Variants in TENM2 observed in about 807,000 individuals in gnomAD.
TENM2 encodes teneurin-2.
Under a neutral mutation model 245.2 loss-of-function variants are expected in TENM2, and 52 were observed. That is an observed-to-expected ratio of 0.21 (90% CI 0.17 to 0.27). The LOEUF is 0.27. Among genes scored for constraint, TENM2 ranks in the 10% least tolerant of loss-of-function variants. The pLI, the probability that TENM2 is intolerant of heterozygous loss-of-function variation, is 1.00. For synonymous variants in TENM2, 1,363 were observed against 1,438.9 expected (o/e 0.95, Z 1.19); for missense variants, 3,046 against 3,666.8 (o/e 0.83, Z 4.37).
intron 2 of TENM2, among the ~76,000 whole-genome samples, chr5:167,672,500 G>A (rs543694793): frequency 7.2e-5 from 11 of 151,976 alleles, no homozygotes; most frequent in African/African-American, 2.2e-4. Flanking sequence ...TACTAGAGGG[G>A]TGAATGGATC....
chr5:167,925,835 T>C (rs1446173086), intron 3 of TENM2, among the ~76,000 whole-genome samples: 1 of 152,224 alleles, frequency 6.6e-6, no homozygotes, highest in African/African-American at 2.4e-5. Flanking sequence ...CCATTATCCT[T>C]GGCAAACTAA....
chr5:167,176,515 C>G, the TENM2 span, among the ~76,000 whole-genome samples: 1 of 152,156 alleles, frequency 6.6e-6, no homozygotes, highest in Non-Finnish European at 1.5e-5. Context: ...TATTCATCTA[C>G]CAACTTAGAA....
the TENM2 span, among the ~76,000 whole-genome samples, chr5:167,255,474 T>G: frequency 2.0e-5 from 3 of 152,150 alleles, no homozygotes; most frequent in African/African-American, 7.2e-5. Flanking sequence ...AAAGCATGAA[T>G]GAAATAGTTA....
At chr5:167,727,748 A>G (rs561324706) in intron 2 of TENM2, among the ~76,000 whole-genome samples, 1 of 152,332 alleles carries the variant, frequency 6.6e-6, no homozygotes, top group Admixed American at 6.5e-5. Context: ...CAGCACCATT[A>G]TGCAGATGAA....
At chr5:167,305,291 A>G (rs1209730063) in intron 1 of TENM2, among the ~76,000 whole-genome samples, 2 of 152,164 alleles carry the variant, frequency 1.3e-5, no homozygotes, top group African/African-American at 2.4e-5. Context: ...TCTAGGACAT[A>G]CCTGTGCACT....
intron 2 of TENM2, among the ~76,000 whole-genome samples, chr5:167,749,872 A>G (rs1761843939): frequency 6.6e-6 from 1 of 152,106 alleles, no homozygotes; most frequent in Non-Finnish European, 1.5e-5. Context: ...CAATAAAGAG[A>G]TCTGCCTTTT....
chr5:167,850,870 G>A (rs571934147), intron 2 of TENM2, among the ~76,000 whole-genome samples: 1 of 152,318 alleles, frequency 6.6e-6, no homozygotes, highest in South Asian at 2.1e-4. Flanking sequence ...GCTGGATTCA[G>A]GGATTTGTGT....
chr5:167,244,929 G>A, the TENM2 span, among the ~76,000 whole-genome samples: 1 of 151,902 alleles, frequency 6.6e-6, no homozygotes, highest in Non-Finnish European at 1.5e-5. Flanking sequence ...ATTTATCACG[G>A]CTTCTTCAAA....
rs924550210 is a variant in TENM2, at chr5:168,244,864, G to A, written c.5817+148G>A. ...GGCTCACTGCAACCTCTGCCTCCCA[G>A]GTTCAAGTAATTCTCCTGCCTGTGC... On this transcript the variant is annotated intron_variant, in intron 26 of 28. Coordinates refer to ENST00000518659, the Ensembl canonical transcript of TENM2. This position sits in a 1 kb window ranked among gnomAD's most constrained non-coding sequence, Gnocchi z 4.9. 1.2e-5 allele frequency: 7 copies of A among 562,720 alleles called. No homozygotes were observed. Among genetic ancestry groups the A allele is most frequent in the African/African-American group, 1.9e-5 (1 of 51,578 alleles). The allele number at this position is 562,720 out of a possible 1,614,324, so 34.9% of individuals were successfully genotyped here. A position where few individuals can be genotyped will look rare whatever the true frequency, so the allele number is the denominator to read the frequency against.
intron 13 of TENM2, among the ~76,000 whole-genome samples, chr5:168,174,390 T>C (rs556343154): frequency 9.8e-5 from 15 of 152,296 alleles, no homozygotes; most frequent in Admixed American, 2.0e-4. Flanking sequence ...AGGGCTAATT[T>C]CTACCTCATA....
chr5:167,382,331 A>G lies in TENM2; in HGVS notation c.502+6858A>G, dbSNP rs558870001. ...TGGAGACAATAAAGCGAAGGCTAGA[A>G]GAGAGACATGCAGTGATACACGAAG... is the stretch of plus-strand genomic sequence containing the variant. On this transcript the variant is annotated intron_variant, in intron 2 of 28. Transcript: ENST00000518659. Among the ~76,000 whole-genome samples, 7 of 152,334 alleles carry G rather than the reference A, an allele frequency of 4.6e-5. No individual in the cohort carries two copies. In the South Asian group the frequency reaches 1.4e-3, roughly 32 times the overall value.
intron 3 of TENM2, among the ~76,000 whole-genome samples, chr5:167,881,460 A>T (rs1453557089): frequency 6.6e-6 from 1 of 152,148 alleles, no homozygotes; most frequent in Admixed American, 6.6e-5. Flanking sequence ...TTCATAGTAG[A>T]CACTCCGTAA....
At chr5:167,046,567 C>T in the TENM2 span, among the ~76,000 whole-genome samples, 3 of 152,294 alleles carry the variant, frequency 2.0e-5, no homozygotes, top group African/African-American at 4.8e-5. Flanking sequence ...TAATAAAATA[C>T]ATTTTCTCAC....
intron 4 of TENM2, among the ~76,000 whole-genome samples, chr5:167,964,924 ATACACTCT>A (rs1251783607): frequency 2.0e-5 from 3 of 152,168 alleles, no homozygotes; most frequent in Admixed American, 6.5e-5. Context: ...AAATAATAAG[ATACACTCT>A]GCTTTTTGCT....
At chr5:167,220,891 A>G in the TENM2 span, among the ~76,000 whole-genome samples, 4 of 151,816 alleles carry the variant, frequency 2.6e-5, no homozygotes, top group South Asian at 2.1e-4. Context: ...CAGTGGCTCA[A>G]TGTCAGCTCA....
At chr5:167,374,073 G>A (rs1478454155) in intron 1 of TENM2, among the ~76,000 whole-genome samples, 1 of 152,124 alleles carries the variant, frequency 6.6e-6, no homozygotes, top group Admixed American at 6.5e-5. Context: ...AGAAACCAAA[G>A]GACTAGCTCT....
At chr5:167,176,016 G>A in the TENM2 span, among the ~76,000 whole-genome samples, 1 of 152,086 alleles carries the variant, frequency 6.6e-6, no homozygotes, top group African/African-American at 2.4e-5. Context: ...AGCTGTATCT[G>A]TGGTCTTTCT....
At chr5:167,837,619 C>T (rs1490586379) in intron 2 of TENM2, among the ~76,000 whole-genome samples, 1 of 152,144 alleles carries the variant, frequency 6.6e-6, no homozygotes, top group African/African-American at 2.4e-5. Context: ...GTTCACCCCA[C>T]CTCATCCACT....
At chr5:167,379,746 G>T (rs1406358710) in intron 2 of TENM2, among the ~76,000 whole-genome samples, 2 of 152,072 alleles carry the variant, frequency 1.3e-5, no homozygotes, top group African/African-American at 4.8e-5. Flanking sequence ...TGTTAAGGAA[G>T]TGAAAAGTCA....
Sources: allele counts gnomAD v4.1 joint callset (sites outside exome capture counted in the v4.1 genomes callset), GRCh38; gene constraint gnomAD v4.1.1; non-coding constraint Gnocchi (gnomAD v3.1); transcripts MANE v1.5; gene names NCBI Gene and HGNC (gene_info 2026-07-23, HGNC 2026-07-21).